IL23A: variants seen among roughly 807,000 people sequenced by gnomAD.
The protein encoded by IL23A is interleukin-23 subunit alpha.
In IL23A, 16 loss-of-function variants were observed where a neutral mutation model predicts 20.7. The observed-to-expected ratio is 0.77, with a 90% CI of 0.52 to 1.17. The LOEUF is 1.17. Ranked by LOEUF, IL23A falls within the 50% of genes most tolerant of loss-of-function variation. The pLI, the probability that IL23A is intolerant of heterozygous loss-of-function variation, is 0.00. For synonymous variants in IL23A, 80 were observed against 88.7 expected, an observed-to-expected ratio of 0.90 and a Z score of 0.55; for missense variants, 175 against 229.5, an observed-to-expected ratio of 0.76 and a Z score of 1.53.
Position 56,339,950 on chromosome 12 carries a change from G to T in IL23A, c.416G>T (p.Gly139Val). Residue 139 changes from glycine to valine, a missense_variant, in exon 4 of 4, where the codon GGT (glycine) becomes GTT (valine). Gly to Val is a moderately radical substitution (Grantham distance 109). Transcript: ENST00000228534. ...TGTCCTATGTCCTTTCAGCCTGAGG[G>T]TCACCACTGGGAGACTCAGCAGATT... ...LGLSQLLQPE[G>V]HHWETQQIPS... is the part of the protein sequence containing the mutation. The T allele has an allele frequency of 6.2e-7, 1 of 1,614,126 alleles. No homozygotes were observed. Among genetic ancestry groups the T allele is most frequent in the African/African-American group, 1.3e-5 (1 of 75,030 alleles).
In IL23A at chr12:56,339,150, C is replaced by T. The variant is rs1289222563; in HGVS notation, c.106C>T (p.Leu36Phe). 1.3e-6 allele frequency: 2 copies of T among 1,584,992 alleles called. No homozygotes were observed. Among genetic ancestry groups the T allele is most frequent in the East Asian group, 4.5e-5 (2 of 44,388 alleles). The change falls in exon 1 of 4, where the codon CTT (leucine) becomes TTT (phenylalanine). Residue 36 changes from leucine (L) to phenylalanine (F), a missense_variant. Physicochemically the swap from Leu to Phe is conservative, Grantham distance 22 (BLOSUM62 0). Transcript: ENST00000228534. ...SSPAWTQCQQ[L>F]SQKLCTLAWS... ...CCCTGCCTGGACTCAGTGCCAGCAG[C>T]TTTCACAGAAGCTCTGCACACTGGC...
rs1486659691 is a variant in IL23A at position 56,340,035 on chromosome 12, C to T, written c.501C>T (p.Arg167=). The change falls in exon 4 of 4, where the codon CGC becomes CGT. Residue 167 remains arginine (R), a synonymous_variant. Transcript: ENST00000228534. ...QRLLLRFKIL[R]SLQAFVAVAA... Reference sequence around the variant, plus strand: ...TCCTTCTCCGCTTCAAAATCCTTCGCAGCCTCCAGGCCTTTGTGGCTGTAG... The same window carrying T: ...TCCTTCTCCGCTTCAAAATCCTTCGTAGCCTCCAGGCCTTTGTGGCTGTAG... 2.5e-6 allele frequency: 4 copies of T among 1,614,228 alleles called. No individual in the cohort carries two copies. Among genetic ancestry groups the T allele is most frequent in the Non-Finnish European group, 3.4e-6 (4 of 1,180,042 alleles).
intron 1 of IL23A, 97 bp from the exon 2 acceptor site, chr12:56,339,329 G>A (rs1429710365): frequency 3.6e-6 from 5 of 1,376,924 alleles, no homozygotes; most frequent in East Asian, 2.3e-5. Flanking sequence ...GGACAAGAGA[G>A]TAGGGTTCCT....
chr12:56,339,106 C>CTG lies in IL23A; in HGVS notation c.65_66dup (p.Pro23CysfsTer29), dbSNP rs779800802. 8 of 1,571,520 alleles carry CTG rather than the reference C, an allele frequency of 5.1e-6. No individual in the cohort carries two copies. The highest frequency in any genetic ancestry group is 6.1e-6 in the Non-Finnish European group (7 of 1,154,976). On this transcript the variant is annotated frameshift_variant, in exon 1 of 4. Coordinates refer to ENST00000228534, the MANE Select transcript of IL23A (RefSeq NM_016584.3). LOFTEE classifies it high-confidence loss of function. ...CTGCCCTGGACAGCTCAGGGCAGAG[C>CTG]TGTGCCTGGGGGCAGCAGCCCTGCC...
chr12:56,339,723 T>A lies in IL23A; in HGVS notation c.294T>A (p.Ile98=). The A allele has an allele frequency of 3.1e-6, 5 of 1,614,050 alleles. No individual in the cohort carries two copies. Among genetic ancestry groups the A allele is most frequent in the Non-Finnish European group, 4.2e-6 (5 of 1,179,984 alleles). ...FCLQRIHQGL[I]FYEKLLGSDI... ...TGCAAAGGATCCACCAGGGTCTGAT[T>A]TTTTATGAGAAGCTGCTAGGATCGG... Residue 98 remains isoleucine, a synonymous_variant, in exon 3 of 4, where the codon ATT becomes ATA. Coordinates refer to ENST00000228534, the MANE Select transcript of IL23A (RefSeq NM_016584.3).
At position 56,340,224 on chromosome 12, in the gene IL23A, G is replaced by C; in HGVS notation, c.*120G>C. ...TAGTCCATTAATTTTAGTGGGACCT[G>C]CATATGTTGAAAATTACCAATACTG... On this transcript the variant is annotated 3_prime_UTR_variant, in exon 4 of 4. Transcript: ENST00000228534. The C allele has an allele frequency of 1.0e-6, 1 of 985,554 alleles. No individual in the cohort carries two copies. Among genetic ancestry groups the C allele is most frequent in the South Asian group, 1.6e-5 (1 of 61,842 alleles). 61.1% of individuals were successfully genotyped at this position (985,554 alleles called of 1,614,324 possible). A position where few individuals can be genotyped will look rare whatever the true frequency, so the allele number is the denominator to read the frequency against.
chr12:56,340,018 C>T lies in IL23A; in HGVS notation c.484C>T (p.Arg162Cys), dbSNP rs761634870. 1.9e-5 allele frequency: 31 copies of T among 1,614,090 alleles called. No homozygotes were observed. Among genetic ancestry groups the T allele is most frequent in the Non-Finnish European group, 2.5e-5 (29 of 1,180,042 alleles). Residue 162 changes from arginine to cysteine, a missense_variant, in exon 4 of 4, where the codon CGC becomes TGC. By Grantham distance (180) the Arg-to-Cys change is radical. Transcript: ENST00000228534. ...CCAGCCATGGCAGCGTCTCCTTCTC[C>T]GCTTCAAAATCCTTCGCAGCCTCCA... The part of the protein sequence containing the change: ...PSQPWQRLLL[R>C]FKILRSLQAF...
Position 56,338,938 on chromosome 12 carries a change from G to A in IL23A, c.-107G>A, listed in dbSNP as rs528154932. ...CAACTGAGGGAACCAAACCAGAGAC[G>A]CGCTGAACAGAGAGAATCAGGCTCA... On this transcript the variant is annotated 5_prime_UTR_variant, in exon 1 of 4. Coordinates refer to ENST00000228534, the MANE Select transcript of IL23A (RefSeq NM_016584.3). The A allele has an allele frequency of 2.1e-6, 2 of 936,166 alleles. No homozygotes were observed. Among genetic ancestry groups the A allele is most frequent in the Non-Finnish European group, 2.9e-6 (2 of 692,972 alleles). 58.0% of individuals were successfully genotyped at this position (936,166 alleles called of 1,614,324 possible).
In IL23A at chr12:56,340,371, A is replaced by T; in HGVS notation, c.*267A>T. The T allele has an allele frequency of 2.7e-6, 1 of 373,264 alleles. No individual in the cohort carries two copies. The highest frequency in any genetic ancestry group is 4.8e-6 in the Non-Finnish European group (1 of 207,974). The allele number at this position is 373,264 out of a possible 1,614,324, so 23.1% of individuals were successfully genotyped here. ...GGATTATTTATTGTATTTATATTGA[A>T]TTATGTACTTTTTTCAATAAAGTCT... On this transcript the variant is annotated 3_prime_UTR_variant, in exon 4 of 4. Transcript: ENST00000228534.
rs1232616008 is a variant in IL23A at position 56,339,645 on chromosome 12, G to A, written c.262-46G>A. The A allele has an allele frequency of 2.5e-6, 4 of 1,609,190 alleles. No individual in the cohort carries two copies. In the African/African-American group the frequency reaches 5.4e-5, roughly 22 times the overall value. The stretch of plus-strand genomic sequence containing the variant: ...AAACTGGGTGAGTCTTCAGTGAATG[G>A]AGTAGGAAGAGGGTGTCCTCTTTCA... On this transcript the variant is annotated intron_variant, in intron 2 of 3. Transcript: ENST00000228534.
Position 56,338,996 on chromosome 12 carries a change from G to A in IL23A, c.-49G>A, listed in dbSNP as rs200679126. The A allele has an allele frequency of 1.5e-6, 2 of 1,326,692 alleles. No homozygotes were observed. Among genetic ancestry groups the A allele is most frequent in the Non-Finnish European group, 2.0e-6 (2 of 1,023,798 alleles). 82.2% of individuals were successfully genotyped at this position (1,326,692 alleles called of 1,614,324 possible). ...TGGAAGTGGGCAGAGATTCCACCAG[G>A]ACTGGTGCAAGGCGCAGAGCCAGCC... On this transcript the variant is annotated 5_prime_UTR_variant, in exon 1 of 4. Coordinates refer to ENST00000228534, the MANE Select transcript of IL23A (RefSeq NM_016584.3).
In IL23A at chr12:56,339,999, A is replaced by G. The variant is rs142811781; in HGVS notation, c.465A>G (p.Pro155=). ...TTCCAAGCCTCAGTCCCAGCCAGCC[A>G]TGGCAGCGTCTCCTTCTCCGCTTCA... ...QQIPSLSPSQ[P]WQRLLLRFKI... The change falls in exon 4 of 4, where the codon CCA becomes CCG. Residue 155 remains proline, a synonymous_variant. Coordinates refer to ENST00000228534, the MANE Select transcript of IL23A (RefSeq NM_016584.3). 4.2e-5 allele frequency: 67 copies of G among 1,614,050 alleles called. 1 individual carries two copies. In the African/African-American group the frequency reaches 7.5e-4, roughly 18 times the overall value.
At chr12:56,339,605 T>C in intron 2 of IL23A, 81 bp downstream of exon 2, 1 of 1,599,450 alleles carries the variant, frequency 6.3e-7, no homozygotes, top group Non-Finnish European at 8.6e-7. Context: ...AGAAGTTGTG[T>C]CTGAAAATAG....
intron 3 of IL23A, 35 bp downstream of exon 3, chr12:56,339,872 A>G (rs1463389732): frequency 6.2e-7 from 1 of 1,609,590 alleles, no homozygotes; most frequent in South Asian, 1.1e-5. Context: ...GGGGGCTTGC[A>G]GGTGTCAGAG....
chr12:56,339,497 C>T lies in IL23A; in HGVS notation c.234C>T (p.Asp78=). The stretch of plus-strand genomic sequence containing the variant: ...ATATCCAGTGTGGAGATGGCTGTGA[C>T]CCCCAAGGACTCAGGGACAACAGTC... The part of the protein sequence containing the change: ...VPHIQCGDGC[D]PQGLRDNSQF... Residue 78 remains aspartate, a synonymous_variant, in exon 2 of 4, where the codon GAC becomes GAT. Coordinates refer to ENST00000228534, the MANE Select transcript of IL23A (RefSeq NM_016584.3). 6.2e-7 allele frequency: 1 copy of T among 1,611,772 alleles called. No homozygotes were observed. Among genetic ancestry groups the T allele is most frequent in the Non-Finnish European group, 8.5e-7 (1 of 1,177,902 alleles).
rs150119995 is a variant in IL23A at position 56,339,817 on chromosome 12, G to A, written c.388G>A (p.Gly130Ser). The A allele has an allele frequency of 6.2e-7, 1 of 1,613,062 alleles. No homozygotes were observed. Among genetic ancestry groups the A allele is most frequent in the African/African-American group, 1.3e-5 (1 of 74,836 alleles). The change falls in exon 3 of 4, where the codon GGC (glycine) becomes AGC (serine). Residue 130 changes from glycine to serine, a missense_variant. Transcript: ENST00000228534. ...PVGQLHASLL[G>S]LSQLLQPEGH... ...GGGCCAGCTTCATGCCTCCCTACTG[G>A]GCCTCAGCCAACTCCTGCAGGTATG...
In IL23A at chr12:56,339,009, C is replaced by A; in HGVS notation, c.-36C>A. On this transcript the variant is annotated 5_prime_UTR_variant, in exon 1 of 4. Transcript: ENST00000228534. ...AGATTCCACCAGGACTGGTGCAAGG[C>A]GCAGAGCCAGCCAGATTTGAGAAGA... 1 of 1,358,018 alleles carries A rather than the reference C, an allele frequency of 7.4e-7. No homozygotes were observed. Among genetic ancestry groups the A allele is most frequent in the Non-Finnish European group, 9.6e-7 (1 of 1,045,290 alleles). 84.1% of individuals were successfully genotyped at this position (1,358,018 alleles called of 1,614,324 possible).
Position 56,339,865 on chromosome 12 carries a change from G to A in IL23A, c.408+28G>A, listed in dbSNP as rs557455914. ...ATGAAGTAGGGGCGTGGAGGATGGG[G>A]GCTTGCAGGTGTCAGAGACAGAGGG... On this transcript the variant is annotated intron_variant, in intron 3 of 3. Coordinates refer to ENST00000228534, the MANE Select transcript of IL23A (RefSeq NM_016584.3). The A allele has an allele frequency of 1.4e-5, 22 of 1,609,922 alleles. No homozygotes were observed. In the Admixed American group the frequency reaches 1.5e-4, roughly 11 times the overall value.
chr12:56,340,111 C>CA lies in IL23A; in HGVS notation c.*8dup, dbSNP rs767745568. 1.2e-5 allele frequency: 20 copies of CA among 1,613,242 alleles called. No homozygotes were observed. In the Admixed American group the frequency reaches 3.0e-4, roughly 24 times the overall value. ...AGCAACCCTGAGTCCCTAAAGGCAG[C>CA]AGCTCAAGGATGGCACTCAGATCTC... On this transcript the variant is annotated 3_prime_UTR_variant, in exon 4 of 4. Coordinates refer to ENST00000228534, the MANE Select transcript of IL23A (RefSeq NM_016584.3).
Sources: gnomAD v4.1 joint callset for allele counts on GRCh38, gnomAD v4.1.1 for gene constraint, MANE v1.5 for transcripts, NCBI Gene and HGNC (gene_info 2026-07-23, HGNC 2026-07-21) for gene names.